ATE1: variants seen among roughly 807,000 people sequenced by gnomAD.
ATE1 encodes arginyl-tRNA--protein transferase 1.
Under a neutral mutation model 70.5 loss-of-function variants are expected in ATE1, and 36 were observed. The observed-to-expected ratio is 0.51, with a 90% CI of 0.39 to 0.67. The LOEUF (loss-of-function observed/expected upper bound fraction) is 0.67. Among genes scored for constraint, ATE1 ranks in the 30% least tolerant of loss-of-function variants. The probability of loss-of-function intolerance (pLI) is 0.00; values close to 1 mark genes in which losing one functional copy is unlikely to be tolerated. For missense variants in ATE1, 593 were observed against 629.5 expected (o/e 0.94, Z 0.62); for synonymous variants, 232 against 219.3 (o/e 1.06, Z -0.51).
rs528165283 is a variant in ATE1 at position 121,841,177 on chromosome 10, C to T, written c.1062G>A (p.Gly354=). 25 of 1,602,396 alleles carry T rather than the reference C, an allele frequency of 1.6e-5. No homozygotes were observed. Among genetic ancestry groups the T allele is most frequent in the Admixed American group, 3.4e-5 (2 of 59,696 alleles). Reference sequence around the variant, plus strand: ...CACAGTTTGGGAGGATGTCAATCACCCCCACAGCAATGATCTTTCCGTCAA... The same window carrying T: ...CACAGTTTGGGAGGATGTCAATCACTCCCACAGCAATGATCTTTCCGTCAA... ...YWLDGKIIAV[G]VIDILPNCVS... The change falls in exon 9 of 12, where the codon GGG becomes GGA. Residue 354 remains glycine (G), a synonymous_variant. Coordinates refer to ENST00000224652, the MANE Select transcript of ATE1 (RefSeq NM_001001976.3).
intron 11 of ATE1, among the ~76,000 whole-genome samples, chr10:121,756,510 T>C (rs1944808896): frequency 1.3e-5 from 2 of 152,140 alleles, no homozygotes; most frequent in South Asian, 4.1e-4. Context: ...CTAGCAGAGG[T>C]TCTCCATGAG....
chr10:121,745,504 C>T (rs1944319187), intron 11 of ATE1, among the ~76,000 whole-genome samples: 1 of 151,960 alleles, frequency 6.6e-6, no homozygotes, highest in South Asian at 2.1e-4. Context: ...ATCACGAGGT[C>T]AGGAGATCGA....
At chr10:121,779,443 G>A (rs1468583614) in intron 11 of ATE1, among the ~76,000 whole-genome samples, 3 of 152,168 alleles carry the variant, frequency 2.0e-5, no homozygotes, top group Non-Finnish European at 4.4e-5. Context: ...AAGGCATCAA[G>A]TGAGAAAGTG....
At chr10:121,922,274 A>G (rs1951911186) in intron 3 of ATE1, 75 bp downstream of exon 3, 1 of 1,048,204 alleles carries the variant, frequency 9.5e-7, no homozygotes, top group East Asian at 2.5e-5. Context: ...ACATTAAAAA[A>G]GCACAAGAGA....
chr10:121,872,583 A>G (rs1949900025), intron 7 of ATE1, among the ~76,000 whole-genome samples: 1 of 152,154 alleles, frequency 6.6e-6, no homozygotes, highest in African/African-American at 2.4e-5. Context: ...TATTATATTC[A>G]GTAGAAATGG....
intron 10 of ATE1, among the ~76,000 whole-genome samples, chr10:121,806,888 G>C (rs1947120406): frequency 6.6e-6 from 1 of 152,122 alleles, no homozygotes; most frequent in South Asian, 2.1e-4. Context: ...TTAAAATTTA[G>C]GAGAAAAAGT....
intron 10 of ATE1, among the ~76,000 whole-genome samples, chr10:121,815,239 CA>C (rs1947491808): frequency 6.6e-6 from 1 of 152,184 alleles, no homozygotes; most frequent in African/African-American, 2.4e-5. Context: ...GGGTTCACGC[CA>C]TTCTCCTGCC....
intron 3 of ATE1, 93 bp downstream of exon 3, chr10:121,922,256 G>A (rs1391719189): frequency 1.8e-5 from 15 of 840,022 alleles, no homozygotes; most frequent in South Asian, 1.4e-4. Context: ...TACCTAGAGC[G>A]GAAATAAACA....
rs916777217 is a variant in ATE1, at chr10:121,876,723, T to C, written c.943-6685A>G. ...GGCTCACGCCTGTAATCCCAGCACT[T>C]TGGGAGGCCGAGGCGGGCGGATCAC... is the stretch of plus-strand genomic sequence containing the variant. On this transcript the variant is annotated intron_variant, in intron 7 of 11. Transcript: ENST00000224652. Among the ~76,000 whole-genome samples the C allele has an allele frequency of 3.3e-5, 5 of 152,052 alleles. No homozygotes were observed. In the East Asian group the frequency reaches 9.6e-4, roughly 29 times the overall value.
At chr10:121,794,976 G>A (rs1009331861) in intron 10 of ATE1, among the ~76,000 whole-genome samples, 3 of 152,174 alleles carry the variant, frequency 2.0e-5, no homozygotes, top group South Asian at 2.1e-4. Flanking sequence ...GGCTGGGGGC[G>A]GTAGTTCATG....
At position 121,743,493 on chromosome 10, in the gene ATE1, T is replaced by A; in HGVS notation, c.*187A>T. 1.0e-5 allele frequency: 12 copies of A among 1,205,178 alleles called. No homozygotes were observed. Among genetic ancestry groups the A allele is most frequent in the Non-Finnish European group, 1.2e-5 (11 of 946,802 alleles). 74.7% of individuals were successfully genotyped at this position (1,205,178 alleles called of 1,614,324 possible). ...GCTAGGTCATAATGCAGTTTTAAAATCTTTATATTAACTATGAGATTCTCA... is the reference window on the plus strand; with the variant it reads ...GCTAGGTCATAATGCAGTTTTAAAAACTTTATATTAACTATGAGATTCTCA... On this transcript the variant is annotated 3_prime_UTR_variant, in exon 12 of 12. Transcript: ENST00000224652.
At chr10:121,833,057 T>A (rs1227482152) in intron 10 of ATE1, among the ~76,000 whole-genome samples, 2 of 152,288 alleles carry the variant, frequency 1.3e-5, no homozygotes, top group African/African-American at 4.8e-5. Context: ...TAACAACCTG[T>A]CTAATTTCTA....
chr10:121,913,955 C>A, intron 3 of ATE1, 62 bp from the exon 4 acceptor site: 1 of 1,289,278 alleles, frequency 7.8e-7, no homozygotes, highest in Non-Finnish European at 1.1e-6. Context: ...GAAATCAGTT[C>A]TGGATATCAC....
intron 10 of ATE1, among the ~76,000 whole-genome samples, chr10:121,793,915 C>T (rs545802779): frequency 6.6e-6 from 1 of 152,146 alleles, no homozygotes. Context: ...AGCATACTTT[C>T]ATATTTTTTC....
At chr10:121,791,275 G>A (rs1215821491) in intron 10 of ATE1, among the ~76,000 whole-genome samples, 2 of 151,594 alleles carry the variant, frequency 1.3e-5, no homozygotes, top group Non-Finnish European at 2.9e-5. Context: ...TGTATTTTTG[G>A]TAGAGAGGGG....
chr10:121,825,622 C>T (rs900236512), intron 10 of ATE1, among the ~76,000 whole-genome samples: 2 of 152,148 alleles, frequency 1.3e-5, no homozygotes, highest in Non-Finnish European at 2.9e-5. Flanking sequence ...ACACAAACCA[C>T]CTCACACCCA....
chr10:121,805,677 C>A (rs1001191414), intron 10 of ATE1, among the ~76,000 whole-genome samples: 1 of 152,090 alleles, frequency 6.6e-6, no homozygotes, highest in African/African-American at 2.4e-5. Context: ...TAAAAGAATG[C>A]ATACATATTT....
intron 11 of ATE1, among the ~76,000 whole-genome samples, chr10:121,770,612 C>T (rs1255488551): frequency 6.6e-6 from 1 of 151,748 alleles, no homozygotes; most frequent in African/African-American, 2.4e-5. Context: ...AAACCTAATT[C>T]TTTGATCAAT....
chr10:121,743,841 T>C lies in ATE1; in HGVS notation c.1396A>G (p.Thr466Ala). 1 of 1,611,020 alleles carries C rather than the reference T, an allele frequency of 6.2e-7. No homozygotes were observed. The highest frequency in any genetic ancestry group is 8.5e-7 in the Non-Finnish European group (1 of 1,178,898). Reference protein sequence around the residue: ...DPEAVDEDRSTEPDRLQVFHK... With the variant: ...DPEAVDEDRSAEPDRLQVFHK... ...AACACCTGCAATCGGTCAGGTTCCG[T>C]ACTGCGATCCTCATCCACTGCAACG... Residue 466 changes from threonine (T) to alanine (A), a missense_variant, in exon 12 of 12, where the codon ACG becomes GCG. Transcript: ENST00000224652.
Sources: gnomAD v4.1 joint callset for allele counts (sites outside exome capture counted in the v4.1 genomes callset) on GRCh38, gnomAD v4.1.1 for gene constraint, MANE v1.5 for transcripts, NCBI Gene and HGNC (gene_info 2026-07-23, HGNC 2026-07-21) for gene names.